ARHGAP44: variants seen among roughly 807,000 people sequenced by gnomAD.
ARHGAP44 encodes rho GTPase-activating protein 44.
A neutral mutation model predicts 106.8 loss-of-function variants in ARHGAP44; 43 were observed. The observed-to-expected ratio is 0.40, with a 90% CI of 0.32 to 0.52. The LOEUF (loss-of-function observed/expected upper bound fraction) is 0.52. ARHGAP44 is among the 20% of genes least tolerant of loss of function. ARHGAP44 has a pLI of 0.48. For synonymous variants in ARHGAP44, 439 were observed against 410.3 expected (o/e 1.07, Z -0.85); for missense variants, 866 against 1,050.5 (o/e 0.82, Z 2.43).
intron 1 of ARHGAP44, among the ~76,000 whole-genome samples, chr17:12,823,086 A>G (rs934629940): frequency 2.6e-5 from 4 of 152,198 alleles, no homozygotes; most frequent in African/African-American, 4.8e-5. Flanking sequence ...AGCAGATGCC[A>G]TAGCAGCTTG....
At chr17:12,790,799 A>G (rs1019458021) in intron 1 of ARHGAP44, 5 of 152,242 alleles carry the variant, frequency 3.3e-5, no homozygotes, top group African/African-American at 1.2e-4. Context: ...CTTTGAACAC[A>G]GGAGCGTTAG....
chr17:12,823,869 T>C (rs1241370643), intron 1 of ARHGAP44, among the ~76,000 whole-genome samples: 2 of 152,168 alleles, frequency 1.3e-5, no homozygotes, highest in East Asian at 3.9e-4. Flanking sequence ...CCTGTTGCTC[T>C]ACCAAACCAC....
intron 1 of ARHGAP44, among the ~76,000 whole-genome samples, chr17:12,882,295 T>A (rs1259054403): frequency 6.6e-6 from 1 of 152,160 alleles, no homozygotes; most frequent in African/African-American, 2.4e-5. Flanking sequence ...GTTATATTAA[T>A]TTTGTTATAT....
At chr17:12,925,436 A>G (rs2038204464) in intron 6 of ARHGAP44, among the ~76,000 whole-genome samples, 1 of 152,196 alleles carries the variant, frequency 6.6e-6, no homozygotes, top group South Asian at 2.1e-4. Context: ...AAGGGGCAAG[A>G]CTAGACAGAA....
chr17:12,840,036 A>C (rs1298712958), intron 1 of ARHGAP44, among the ~76,000 whole-genome samples: 1 of 152,194 alleles, frequency 6.6e-6, no homozygotes, highest in Non-Finnish European at 1.5e-5. Flanking sequence ...TTAGTGAAAC[A>C]CCAGTGTACA....
chr17:12,845,456 C>T (rs1412687509), intron 1 of ARHGAP44, among the ~76,000 whole-genome samples: 5 of 146,584 alleles, frequency 3.4e-5, no homozygotes, highest in East Asian at 2.1e-4. Flanking sequence ...TGCAGTGAGC[C>T]GAGATCGCGC....
chr17:12,989,100 CCAAAAAAAAAA>C (rs1567728615), intron 20 of ARHGAP44, among the ~76,000 whole-genome samples: 1 of 32,002 alleles, frequency 3.1e-5, no homozygotes, highest in Admixed American at 4.5e-4. Context: ...TCCACCCCCC[CCAAAAAAAAAA>C]AAAAAAAAAA....
chr17:12,942,394 C>T (rs969245395), intron 8 of ARHGAP44, among the ~76,000 whole-genome samples: 4 of 152,196 alleles, frequency 2.6e-5, no homozygotes, highest in African/African-American at 9.7e-5. Flanking sequence ...AGCTACCTCA[C>T]CTCAGCCTCC....
chr17:12,946,710 A>G (rs2038860748), intron 10 of ARHGAP44, among the ~76,000 whole-genome samples: 1 of 151,788 alleles, frequency 6.6e-6, no homozygotes, highest in Admixed American at 6.6e-5. Context: ...CTGAGGCAGG[A>G]GAATGGCTTG....
At chr17:12,875,682 G>A (rs891923339) in intron 1 of ARHGAP44, among the ~76,000 whole-genome samples, 4 of 151,936 alleles carry the variant, frequency 2.6e-5, no homozygotes, top group Non-Finnish European at 4.4e-5. Flanking sequence ...AGTGGCTCAC[G>A]CCTGTAATCC....
At chr17:12,971,645 A>C (rs1481027853) in intron 16 of ARHGAP44, among the ~76,000 whole-genome samples, 1 of 152,164 alleles carries the variant, frequency 6.6e-6, no homozygotes, top group Non-Finnish European at 1.5e-5. Context: ...CAGAGTTTCA[A>C]GTGGCCTCCA....
chr17:12,867,252 C>T (rs967006744), intron 1 of ARHGAP44, among the ~76,000 whole-genome samples: 1 of 152,078 alleles, frequency 6.6e-6, no homozygotes, highest in South Asian at 2.1e-4. Context: ...AAAGCATTCA[C>T]ATTAATGTTT....
chr17:12,934,088 C>T (rs958989588), intron 7 of ARHGAP44, among the ~76,000 whole-genome samples: 2 of 151,868 alleles, frequency 1.3e-5, no homozygotes, highest in African/African-American at 4.8e-5. Flanking sequence ...ACCTCGTGAT[C>T]CACCCGCCTC....
At chr17:12,982,148 C>T (rs1188990601) in intron 19 of ARHGAP44, among the ~76,000 whole-genome samples, 3 of 152,148 alleles carry the variant, frequency 2.0e-5, no homozygotes, top group Non-Finnish European at 4.4e-5. Flanking sequence ...CAGGTTGACC[C>T]TTTTCGTTTT....
intron 1 of ARHGAP44, among the ~76,000 whole-genome samples, chr17:12,817,311 G>T (rs568645747): frequency 1.3e-5 from 2 of 152,106 alleles, no homozygotes; most frequent in South Asian, 4.2e-4. Context: ...AAAGAGGAAT[G>T]GATACCCCAT....
chr17:12,850,794 C>A (rs540114546), intron 1 of ARHGAP44, among the ~76,000 whole-genome samples: 1 of 152,316 alleles, frequency 6.6e-6, no homozygotes, highest in African/African-American at 2.4e-5. Context: ...GCCTCTAGGG[C>A]CTAGGTCAGT....
At chr17:12,986,698 AAAAAGAATG>A (rs2039967140) in intron 20 of ARHGAP44, 1 of 142,590 alleles carries the variant, frequency 7.0e-6, no homozygotes. Context: ...AAAAAAAAAA[AAAAAGAATG>A]AGCAGAAGAT....
chr17:12,963,046 CAAAAAAAAAAAAA>C (rs71369355), intron 16 of ARHGAP44, among the ~76,000 whole-genome samples: 1 of 70,960 alleles, frequency 1.4e-5, no homozygotes, highest in African/African-American at 6.5e-5. Context: ...AACACCATCT[CAAAAAAAAAAAAA>C]AAAAAAAAAA....
chr17:12,799,421 C>T (rs929896864), intron 1 of ARHGAP44, among the ~76,000 whole-genome samples: 1 of 152,186 alleles, frequency 6.6e-6, no homozygotes, highest in Non-Finnish European at 1.5e-5. Context: ...TCCCCTCCAC[C>T]TCAAAATCTC....
Sources: allele counts gnomAD v4.1 joint callset (sites outside exome capture counted in the v4.1 genomes callset), GRCh38; gene constraint gnomAD v4.1.1; transcripts MANE v1.5; gene names NCBI Gene and HGNC (gene_info 2026-07-23, HGNC 2026-07-21).